The following ATP8B1 variants were observed in gnomAD, a reference collection of about 807,000 sequenced individuals.
ATP8B1 encodes ATPase phospholipid transporting 8B1, also known as phospholipid-transporting ATPase IC.
ATP8B1 carries 80 observed loss-of-function variants against 149.9 expected under a neutral mutation model. The ratio of observed to expected loss-of-function variants is 0.53; its 90% CI spans 0.45 to 0.64. The LOEUF is 0.64. ATP8B1 is among the 30% of genes least tolerant of loss of function. ATP8B1 has a pLI of 0.00. For missense variants in ATP8B1, 1,247 were observed against 1,552.6 expected, an observed-to-expected ratio of 0.80 and a Z score of 3.31; for synonymous variants, 536 against 562.8, an observed-to-expected ratio of 0.95 and a Z score of 0.67.
At chr18:57,660,744 C>T (rs2122636024) in intron 22 of ATP8B1, among the ~76,000 whole-genome samples, 1 of 152,272 alleles carries the variant, frequency 6.6e-6, no homozygotes, top group East Asian at 1.9e-4. Context: ...GTCTCGAACT[C>T]CTGACCTTGT....
intron 22 of ATP8B1, among the ~76,000 whole-genome samples, chr18:57,659,092 A>G (rs759003397): frequency 2.0e-5 from 3 of 152,106 alleles, no homozygotes; most frequent in Admixed American, 6.6e-5. Context: ...CCTGAGCAAC[A>G]TGGCAAATTC....
rs186904429 is a variant in ATP8B1 at position 57,662,911 on chromosome 18, G to A, written c.2286-296C>T. On this transcript the variant is annotated intron_variant, in intron 20 of 27. Coordinates refer to ENST00000648908, the MANE Select transcript of ATP8B1 (RefSeq NM_001374385.1). ...TGGGACTATAGGCACACGCTATCAC[G>A]CCTGGCTAATTTTTGTATTTTTTGT... Among the ~76,000 whole-genome samples, 191 of 152,156 alleles carry A rather than the reference G, an allele frequency of 1.3e-3. 2 individuals carry two copies. The highest frequency in any genetic ancestry group is 2.5e-4 in the Non-Finnish European group (17 of 68,004).
intron 10 of ATP8B1, 76 bp from the exon 11 acceptor site, chr18:57,694,746 TTGGCCAGGCATGG>T: frequency 9.6e-7 from 1 of 1,043,440 alleles, no homozygotes; most frequent in Admixed American, 1.9e-5. Flanking sequence ...ATTACTCTTC[TTGGCCAGGCATGG>T]TGGCTTACGC....
At chr18:57,678,586 CAAAA>C (rs371560119) in intron 15 of ATP8B1, among the ~76,000 whole-genome samples, 1 of 107,634 alleles carries the variant, frequency 9.3e-6, no homozygotes, top group Non-Finnish European at 2.0e-5. Flanking sequence ...GATTCTATCT[CAAAA>C]AAAAAAAAAG....
chr18:57,681,344 A>G (rs1488142590), intron 15 of ATP8B1, among the ~76,000 whole-genome samples: 2 of 152,144 alleles, frequency 1.3e-5, no homozygotes, highest in Non-Finnish European at 2.9e-5. Context: ...GGAAAAAGAC[A>G]CTGAGCTCCA....
intron 27 of ATP8B1, 140 bp from the exon 28 acceptor site, chr18:57,648,852 TTGTG>T (rs1161789963): frequency 0.14 from 77,113 of 557,034 alleles, 1,827 homozygotes; most frequent in Non-Finnish European, 0.17. Context: ...CTGTCCCCAC[TTGTG>T]TGTGTGTGTG....
chr18:57,740,171 A>G (rs2079898025), intron 1 of ATP8B1, among the ~76,000 whole-genome samples: 1 of 151,748 alleles, frequency 6.6e-6, no homozygotes, highest in African/African-American at 2.4e-5. Context: ...GCTCACTGCA[A>G]CCTTCGTCTC....
In ATP8B1 at chr18:57,706,476, A is replaced by C; in HGVS notation, c.279+14T>G. ...GCATTTTAATGAAAACAATTCAGAA[A>C]GTTAACAACTCACCGCATATTTACT... On this transcript the variant is annotated intron_variant, in intron 3 of 27. Transcript: ENST00000648908. 6.2e-7 allele frequency: 1 copy of C among 1,606,810 alleles called. No homozygotes were observed. Among genetic ancestry groups the C allele is most frequent in the Non-Finnish European group, 8.5e-7 (1 of 1,173,568 alleles).
At position 57,754,703 on chromosome 18, in the gene ATP8B1, T is replaced by A. The variant is rs553132088; in HGVS notation, c.-25-22871A>T. ...GACACTTCAGGGACAGCTGAGAAGT[T>A]ACTACAGCCCACGCCGGGGCTCAAA... On this transcript the variant is annotated intron_variant, in intron 1 of 27. Transcript: ENST00000648908. Among the ~76,000 whole-genome samples the A allele has an allele frequency of 8.5e-5, 13 of 152,256 alleles. 1 individual carries two copies. The South Asian group carries it at 2.5e-3, about 29-fold the overall frequency.
chr18:57,744,139 A>G (rs2079943067), intron 1 of ATP8B1, among the ~76,000 whole-genome samples: 2 of 151,874 alleles, frequency 1.3e-5, no homozygotes, highest in African/African-American at 4.8e-5. Flanking sequence ...AGACAGTGAA[A>G]CCCCATCTCT....
rs558913328 is a variant in ATP8B1 at position 57,777,626 on chromosome 18, C to T, written c.-26+25372G>A. Among the ~76,000 whole-genome samples the T allele has an allele frequency of 1.4e-4, 21 of 152,072 alleles. No homozygotes were observed. In the South Asian group the frequency reaches 3.8e-3, roughly 27 times the overall value. On this transcript the variant is annotated intron_variant, in intron 1 of 27. Transcript: ENST00000648908. The stretch of plus-strand genomic sequence containing the variant: ...CTCTGTTGCCCAAGCTGGAGTGCAC[C>T]GGTGGGATCTCGGCTCACTGCAACC...
intron 1 of ATP8B1, among the ~76,000 whole-genome samples, chr18:57,768,406 A>AAG (rs1748360480): frequency 6.5e-4 from 78 of 119,972 alleles, no homozygotes; most frequent in Middle Eastern, 4.8e-3. Flanking sequence ...AAAAAAAAAA[A>AAG]AAAAGAAAAG....
At chr18:57,662,734 T>C in intron 20 of ATP8B1, 119 bp from the exon 21 acceptor site, 2 of 1,114,440 alleles carry the variant, frequency 1.8e-6, no homozygotes, top group East Asian at 2.5e-5. Context: ...ATCTTACCTA[T>C]TTTTGTTTCT....
chr18:57,767,186 C>A (rs1319152180), intron 1 of ATP8B1, among the ~76,000 whole-genome samples: 1 of 152,146 alleles, frequency 6.6e-6, no homozygotes, highest in African/African-American at 2.4e-5. Flanking sequence ...GCTCTAAGAA[C>A]TAAGGTGAGC....
chr18:57,656,502 C>T (rs960833072), intron 22 of ATP8B1, among the ~76,000 whole-genome samples: 2 of 151,482 alleles, frequency 1.3e-5, no homozygotes, highest in African/African-American at 2.4e-5. Context: ...ACTCTTGCCT[C>T]AGCCTCTCGA....
intron 1 of ATP8B1, among the ~76,000 whole-genome samples, chr18:57,753,001 A>G (rs2080037012): frequency 6.6e-6 from 1 of 152,138 alleles, no homozygotes; most frequent in Admixed American, 6.6e-5. Flanking sequence ...CCTCAATCAC[A>G]CTGTCTCCGG....
At chr18:57,659,975 G>C (rs1910288563) in intron 22 of ATP8B1, among the ~76,000 whole-genome samples, 1 of 152,194 alleles carries the variant, frequency 6.6e-6, no homozygotes, top group Non-Finnish European at 1.5e-5. Context: ...CAGAGCTGGA[G>C]GTGACATTAG....
intron 2 of ATP8B1, among the ~76,000 whole-genome samples, chr18:57,724,079 C>T (rs1457228669): frequency 6.6e-6 from 1 of 151,990 alleles, no homozygotes; most frequent in Non-Finnish European, 1.5e-5. Flanking sequence ...CCCTTCCCTA[C>T]ACCTTATACA....
chr18:57,708,898 A>C (rs1198944841), intron 2 of ATP8B1, among the ~76,000 whole-genome samples: 1 of 152,140 alleles, frequency 6.6e-6, no homozygotes, highest in Non-Finnish European at 1.5e-5. Flanking sequence ...TTTGATTTGG[A>C]TGATTCAGAC....
Sources: allele counts gnomAD v4.1 joint callset (sites outside exome capture counted in the v4.1 genomes callset), GRCh38; gene constraint gnomAD v4.1.1; transcripts MANE v1.5; gene names NCBI Gene and HGNC (gene_info 2026-07-23, HGNC 2026-07-21).